STX1A: variants seen among roughly 807,000 people sequenced by gnomAD.
The protein encoded by STX1A is syntaxin-1A.
In STX1A, 4 loss-of-function variants were observed where a neutral mutation model predicts 37.8. The ratio of observed to expected loss-of-function variants is 0.11; its 90% CI spans 0.05 to 0.24. The LOEUF is 0.24. STX1A is among the 10% of genes least tolerant of loss of function. The pLI is 1.00. For synonymous variants in STX1A, 135 were observed against 147.4 expected (o/e 0.92, Z 0.61); for missense variants, 251 against 399.9 (o/e 0.63, Z 3.18).
intron 8 of STX1A, among the ~76,000 whole-genome samples, chr7:73,701,975 G>A (rs148882755): frequency 4.6e-5 from 7 of 152,252 alleles, no homozygotes; most frequent in Non-Finnish European, 5.9e-5. Flanking sequence ...AGAAGAGACC[G>A]CAAATTCCCC....
chr7:73,719,496 G>T, intron 1 of STX1A, 106 bp downstream of exon 1: 2 of 1,080,726 alleles, frequency 1.9e-6, no homozygotes, highest in Non-Finnish European at 2.3e-6. Context: ...CTGGCTGGGG[G>T]CGCAGGAGCG....
rs1224706705 is a variant in STX1A, at chr7:73,717,573, G to A, written c.30+2029C>T. Reference sequence around the variant, plus strand: ...AAGACTGACTGTCTCACCCCACCCCGGGTGGGCTCCTGCCTGCCAGCCGTC... The same window carrying A: ...AAGACTGACTGTCTCACCCCACCCCAGGTGGGCTCCTGCCTGCCAGCCGTC... On this transcript the variant is annotated intron_variant, in intron 1 of 9. Coordinates refer to ENST00000222812, the MANE Select transcript of STX1A (RefSeq NM_004603.4). This position sits in a 1 kb window ranked among gnomAD's most constrained non-coding sequence, Gnocchi z 4.1. Among the ~76,000 whole-genome samples the A allele has an allele frequency of 2.0e-5, 3 of 152,120 alleles. No individual in the cohort carries two copies. The highest frequency in any genetic ancestry group is 2.1e-4 in the South Asian group (1 of 4,806).
rs1215160303 is a variant in STX1A, at chr7:73,717,348, T to C, written c.30+2254A>G. Among the ~76,000 whole-genome samples, 1 of 151,678 alleles carries C rather than the reference T, an allele frequency of 6.6e-6. No individual in the cohort carries two copies. Among genetic ancestry groups the C allele is most frequent in the Non-Finnish European group, 1.5e-5 (1 of 67,898 alleles). ...CAGTCCAGCTCAGCCAGTGCTGGCCTCTTCCTTTCTGGGGATTCTGGGCTG... is the reference window on the plus strand; with the variant it reads ...CAGTCCAGCTCAGCCAGTGCTGGCCCCTTCCTTTCTGGGGATTCTGGGCTG... On this transcript the variant is annotated intron_variant, in intron 1 of 9. Coordinates refer to ENST00000222812, the MANE Select transcript of STX1A (RefSeq NM_004603.4). The surrounding 1 kb of genome is among the most constrained non-coding windows in gnomAD (Gnocchi z 4.1).
In STX1A at chr7:73,715,454, C is replaced by T. The variant is rs1799259934; in HGVS notation, c.30+4148G>A. On this transcript the variant is annotated intron_variant, in intron 1 of 9. Transcript: ENST00000222812. ...AAAAAAAAACCAACAAAAAACACCA[C>T]CTCCAACCAGGAAGGCTGGGAGGGA... Among the ~76,000 whole-genome samples, 3 of 152,174 alleles carry T rather than the reference C, an allele frequency of 2.0e-5. No homozygotes were observed. The South Asian group carries it at 6.2e-4, about 32-fold the overall frequency.
At chr7:73,713,175 C>G (rs1481804130) in intron 1 of STX1A, among the ~76,000 whole-genome samples, 1 of 152,206 alleles carries the variant, frequency 6.6e-6, no homozygotes, top group Non-Finnish European at 1.5e-5. Flanking sequence ...GCTCTGTCGC[C>G]CCTGCACCCT....
Position 73,708,593 on chromosome 7 carries a change from A to T in STX1A, c.204T>A (p.Asp68Glu), listed in dbSNP as rs2228607. Residue 68 changes from aspartate to glutamate, a missense_variant, in exon 3 of 10, where the codon GAT becomes GAA. This residue lies in a region of STX1A where 214 missense variants were observed against 367.6 expected (regional missense o/e 0.58). Transcript: ENST00000222812. ...TCCCCCGCCCCACACACTCACTCTC[A>T]TCGGGGTTGGGGGATGCCAGGATGG... ...HSAILASPNP[D>E]EKTKEELEEL... The T allele has an allele frequency of 6.2e-7, 1 of 1,612,852 alleles. No homozygotes were observed.
chr7:73,710,431 A>T (rs1554617786), intron 1 of STX1A, among the ~76,000 whole-genome samples: 1 of 151,728 alleles, frequency 6.6e-6, no homozygotes, highest in Non-Finnish European at 1.5e-5. Context: ...TTTTATTTTT[A>T]TTTTTTTATT....
rs1301426436 is a variant in STX1A, at chr7:73,713,501, G to A, written c.31-4379C>T. On this transcript the variant is annotated intron_variant, in intron 1 of 9. Transcript: ENST00000222812. ...CTCAGCACTTTGGGAGGCCAAGGTG[G>A]GAGGATTACTTGAGTCCAGGAGTTT... 2.6e-5 allele frequency among the ~76,000 whole-genome samples: 4 copies of A among 152,184 alleles called. No homozygotes were observed. The East Asian group carries it at 5.8e-4, about 22-fold the overall frequency.
Position 73,705,119 on chromosome 7 carries a change from C to T in STX1A, c.283+31G>A. The T allele has an allele frequency of 1.2e-6, 2 of 1,608,846 alleles. No homozygotes were observed. The highest frequency in any genetic ancestry group is 1.7e-4 in the Middle Eastern group (1 of 6,048). On this transcript the variant is annotated intron_variant, in intron 4 of 9. Transcript: ENST00000222812. The surrounding 1 kb of genome is among the most constrained non-coding windows in gnomAD (Gnocchi z 5.2). ...GCAGAGGAAGCAGGCCTAGAATGCC[C>T]CCCACCCACCCCCAGACAAGCCTGA...
In STX1A at chr7:73,700,873, G is replaced by C; in HGVS notation, c.679-33C>G. ...GCCGGGGGCACCCGAGCTCCAGAGG[G>C]CCCCCTCCTCAGGGTTGGGTTGGGG... On this transcript the variant is annotated intron_variant, in intron 8 of 9. Transcript: ENST00000222812. The surrounding 1 kb of genome is among the most constrained non-coding windows in gnomAD (Gnocchi z 4.4). 2 of 1,610,098 alleles carry C rather than the reference G, an allele frequency of 1.2e-6. No individual in the cohort carries two copies. The highest frequency in any genetic ancestry group is 3.3e-5 in the Admixed American group (2 of 59,934).
intron 1 of STX1A, among the ~76,000 whole-genome samples, chr7:73,716,095 A>T (rs551439275): frequency 4.6e-5 from 7 of 152,378 alleles, no homozygotes; most frequent in Non-Finnish European, 7.3e-5. Context: ...TCTGTAAGAT[A>T]GGAGGTTGAA....
intron 1 of STX1A, among the ~76,000 whole-genome samples, chr7:73,714,007 C>T (rs782446659): frequency 2.0e-5 from 3 of 152,250 alleles, no homozygotes; most frequent in Non-Finnish European, 2.9e-5. Context: ...GCCAGAGCCC[C>T]ATCCTCTGAA....
At chr7:73,704,454 C>A in intron 4 of STX1A, 31 bp from the exon 5 acceptor site, 1 of 1,613,638 alleles carries the variant, frequency 6.2e-7, no homozygotes, top group Non-Finnish European at 8.5e-7. Context: ...TAAGTCATAA[C>A]CAGGCCCCTT....
chr7:73,700,905 G>A lies in STX1A; in HGVS notation c.679-65C>T. 2 of 1,600,024 alleles carry A rather than the reference G, an allele frequency of 1.2e-6. No individual in the cohort carries two copies. Among genetic ancestry groups the A allele is most frequent in the East Asian group, 2.2e-5 (1 of 44,758 alleles). Reference sequence around the variant, plus strand: ...CCTCAGGGTTGGGTTGGGGCTCGGGGCAGGACTTCAGGAAAGCACCCTGAG... The same window carrying A: ...CCTCAGGGTTGGGTTGGGGCTCGGGACAGGACTTCAGGAAAGCACCCTGAG... On this transcript the variant is annotated intron_variant, in intron 8 of 9. Coordinates refer to ENST00000222812, the MANE Select transcript of STX1A (RefSeq NM_004603.4). The surrounding 1 kb of genome is among the most constrained non-coding windows in gnomAD (Gnocchi z 4.4).
At chr7:73,713,028 G>A (rs978650258) in intron 1 of STX1A, among the ~76,000 whole-genome samples, 2 of 152,184 alleles carry the variant, frequency 1.3e-5, no homozygotes, top group Non-Finnish European at 2.9e-5. Context: ...AGCATTTCCT[G>A]TCAAGAAAAG....
chr7:73,710,739 T>C (rs554023651), intron 1 of STX1A, among the ~76,000 whole-genome samples: 1 of 152,286 alleles, frequency 6.6e-6, no homozygotes, highest in South Asian at 2.1e-4. Flanking sequence ...TCCCACCTCA[T>C]TTCTGAGTGC....
intron 1 of STX1A, among the ~76,000 whole-genome samples, chr7:73,711,828 CCT>C (rs1344052657): frequency 6.6e-6 from 1 of 152,130 alleles, no homozygotes; most frequent in Non-Finnish European, 1.5e-5. Context: ...CCACCGAACC[CCT>C]GTCCTGCCCT....
chr7:73,718,368 C>T (rs1246991667), intron 1 of STX1A, among the ~76,000 whole-genome samples: 2 of 152,052 alleles, frequency 1.3e-5, no homozygotes, highest in Non-Finnish European at 2.9e-5. Flanking sequence ...AGGAGGCAAC[C>T]ATGACATAAT....
chr7:73,707,415 G>A (rs998230920), intron 3 of STX1A, among the ~76,000 whole-genome samples: 34 of 152,180 alleles, frequency 2.2e-4, no homozygotes, highest in African/African-American at 7.5e-4. Flanking sequence ...AGCTCCTTCC[G>A]GAAGCTCTGC....
Sources: gnomAD v4.1 joint callset for allele counts (sites outside exome capture counted in the v4.1 genomes callset) on GRCh38, gnomAD v4.1.1 for gene constraint, gnomAD v4.1.1 regional missense constraint, Gnocchi (gnomAD v3.1) non-coding constraint, MANE v1.5 for transcripts, NCBI Gene and HGNC (gene_info 2026-07-23, HGNC 2026-07-21) for gene names.